ROBO1: variants seen among roughly 807,000 people sequenced by gnomAD.
ROBO1 encodes roundabout guidance receptor 1, also known as roundabout homolog 1.
Under a neutral mutation model 195.9 loss-of-function variants are expected in ROBO1, and 149 were observed. The ratio of observed to expected loss-of-function variants is 0.76; its 90% confidence interval spans 0.67 to 0.87. The LOEUF is 0.87. ROBO1 is among the 40% of genes least tolerant of loss of function. The probability of loss-of-function intolerance (pLI) is 0.00; values close to 1 mark genes in which losing one functional copy is unlikely to be tolerated. For missense variants in ROBO1, 1,933 were observed against 2,068.3 expected (o/e 0.93, Z 1.27); for synonymous variants, 816 against 733.2 (o/e 1.11, Z -1.82).
At chr3:78,755,882 A>G (rs932574477) in intron 4 of ROBO1, among the ~76,000 whole-genome samples, 2 of 152,202 alleles carry the variant, frequency 1.3e-5, no homozygotes, top group Non-Finnish European at 1.5e-5. Context: ...TTATGGCTTT[A>G]AATTCAGCCC....
At chr3:79,362,045 G>A (rs1277088086) in intron 2 of ROBO1, among the ~76,000 whole-genome samples, 6 of 151,814 alleles carry the variant, frequency 4.0e-5, no homozygotes, top group Non-Finnish European at 7.4e-5. Context: ...TCACACATAC[G>A]GTAGATATGA....
chr3:78,996,219 C>A (rs1300956344), intron 3 of ROBO1, among the ~76,000 whole-genome samples: 1 of 151,940 alleles, frequency 6.6e-6, no homozygotes, highest in East Asian at 1.9e-4. Context: ...GGCACGGTGG[C>A]TCACACCTGT....
chr3:78,656,053 C>A (rs1472028111), intron 18 of ROBO1, among the ~76,000 whole-genome samples: 2 of 151,452 alleles, frequency 1.3e-5, no homozygotes, highest in Non-Finnish European at 2.9e-5. Flanking sequence ...CATGCACTTA[C>A]TAATTTGTAC....
chr3:79,260,888 T>C (rs113994745), intron 2 of ROBO1, among the ~76,000 whole-genome samples: 8,610 of 152,166 alleles, frequency 0.057, 346 homozygotes, highest in African/African-American at 0.11. Flanking sequence ...TATTCACCTA[T>C]AATCTACAAA....
intron 8 of ROBO1, among the ~76,000 whole-genome samples, chr3:78,708,413 G>A (rs2081603687): frequency 1.3e-5 from 2 of 151,172 alleles, no homozygotes; most frequent in Non-Finnish European, 1.5e-5. Flanking sequence ...TAAGTATTTT[G>A]AAGCTGTATT....
intron 4 of ROBO1, among the ~76,000 whole-genome samples, chr3:78,890,193 C>T (rs2036807907): frequency 6.6e-6 from 1 of 152,048 alleles, no homozygotes; most frequent in African/African-American, 2.4e-5. Flanking sequence ...AATTTCATGG[C>T]CAGACTAGGT....
chr3:79,477,435 GGTAAACA>G (rs2107356514), intron 2 of ROBO1, among the ~76,000 whole-genome samples: 1 of 152,058 alleles, frequency 6.6e-6, no homozygotes, highest in South Asian at 2.1e-4. Flanking sequence ...GATTTATGAG[GGTAAACA>G]GTAAGTCCTT....
chr3:79,413,404 C>A (rs150206169), intron 2 of ROBO1, among the ~76,000 whole-genome samples: 1 of 151,588 alleles, frequency 6.6e-6, no homozygotes, highest in Admixed American at 6.6e-5. Context: ...GCTCAAGAGC[C>A]AAACAGGTAA....
intron 3 of ROBO1, among the ~76,000 whole-genome samples, chr3:79,107,127 TCACACACACACACACACACACACA>T: frequency 7.3e-6 from 1 of 136,456 alleles, no homozygotes; most frequent in South Asian, 2.4e-4. Flanking sequence ...TCTCTCTCTC[TCACACACACACACACACACACACA>T]CACACACACA....
intron 2 of ROBO1, among the ~76,000 whole-genome samples, chr3:79,321,373 G>T (rs982113802): frequency 1.3e-5 from 2 of 152,148 alleles, no homozygotes; most frequent in African/African-American, 4.8e-5. Flanking sequence ...TAGCAGGCAT[G>T]TTCCAAGTAT....
intron 2 of ROBO1, among the ~76,000 whole-genome samples, chr3:79,283,981 G>GCCAC (rs1389771571): frequency 6.6e-6 from 1 of 152,052 alleles, no homozygotes; most frequent in Non-Finnish European, 1.5e-5. Context: ...ACAGGCGTGA[G>GCCAC]CCACCGCGCC....
chr3:79,721,720 T>C (rs1165391804), intron 1 of ROBO1, among the ~76,000 whole-genome samples: 1 of 152,198 alleles, frequency 6.6e-6, no homozygotes, highest in Non-Finnish European at 1.5e-5. Flanking sequence ...CCCTAATTAG[T>C]GGTGTCGAGT....
intron 2 of ROBO1, among the ~76,000 whole-genome samples, chr3:79,390,763 A>C (rs1363428158): frequency 6.6e-6 from 1 of 152,104 alleles, no homozygotes; most frequent in Non-Finnish European, 1.5e-5. Flanking sequence ...GTGGGAAATC[A>C]AACTTAGGAG....
chr3:79,645,600 C>A (rs1371901928), intron 1 of ROBO1, among the ~76,000 whole-genome samples: 1 of 152,102 alleles, frequency 6.6e-6, no homozygotes. Flanking sequence ...CAATGACATT[C>A]TTCACAGAAA....
At chr3:78,860,327 T>TATA (rs1491455003) in intron 4 of ROBO1, among the ~76,000 whole-genome samples, 59 of 12,580 alleles carry the variant, frequency 4.7e-3, no homozygotes, top group African/African-American at 0.012. Flanking sequence ...TATATATATA[T>TATA]TTTTTTTTTT....
intron 4 of ROBO1, among the ~76,000 whole-genome samples, chr3:78,848,675 T>C (rs2033833740): frequency 6.6e-6 from 1 of 152,082 alleles, no homozygotes; most frequent in South Asian, 2.1e-4. Context: ...AGGATTAGGT[T>C]GGGTGAAGAA....
chr3:78,626,061 G>A (rs1048308153), intron 26 of ROBO1, among the ~76,000 whole-genome samples: 4 of 152,008 alleles, frequency 2.6e-5, no homozygotes, highest in African/African-American at 9.7e-5. Flanking sequence ...TACAAAAGAA[G>A]AGCTAGCCAG....
intron 4 of ROBO1, among the ~76,000 whole-genome samples, chr3:78,821,327 G>A (rs1459351755): frequency 2.0e-5 from 3 of 151,656 alleles, no homozygotes; most frequent in South Asian, 2.1e-4. Context: ...CACCACGCCC[G>A]GCTAATTTTT....
rs187369290 is a variant in ROBO1, at chr3:79,109,280, C to A, written c.172+16176G>T. Among the ~76,000 whole-genome samples, 19 of 151,776 alleles carry A rather than the reference C, an allele frequency of 1.3e-4. No homozygotes were observed. In the East Asian group the frequency reaches 3.7e-3, roughly 29 times the overall value. The stretch of plus-strand genomic sequence containing the variant: ...TAAAACATTTGACATACACAGTATG[C>A]TGTATTATATAATGGAATCTAATAG... On this transcript the variant is annotated intron_variant, in intron 3 of 30. Coordinates refer to ENST00000464233, the MANE Select transcript of ROBO1 (RefSeq NM_002941.4).
Sources: gnomAD v4.1 joint callset for allele counts (sites outside exome capture counted in the v4.1 genomes callset) on GRCh38, gnomAD v4.1.1 for gene constraint, MANE v1.5 for transcripts, NCBI Gene and HGNC (gene_info 2026-07-23, HGNC 2026-07-21) for gene names.